The following NUP62CL variants were observed in gnomAD, a reference collection of about 807,000 sequenced individuals.
NUP62CL encodes nucleoporin 62 C-terminal like.
NUP62CL carries 13 observed loss-of-function variants against 15.3 expected under a neutral mutation model. The observed-to-expected ratio is 0.85, with a 90% confidence interval of 0.55 to 1.35. The LOEUF is 1.35. Ranked by LOEUF, NUP62CL falls within the 40% of genes most tolerant of loss-of-function variation. The pLI is 0.00. For synonymous variants in NUP62CL, 54 were observed against 49.2 expected, an observed-to-expected ratio of 1.10 and a Z score of -0.41; for missense variants, 123 against 130.6, an observed-to-expected ratio of 0.94 and a Z score of 0.28.
At chrX:107,187,236 A>C (rs1927084154) in intron 2 of NUP62CL, among the ~76,000 whole-genome samples, 1 of 111,629 alleles carries the variant, frequency 9.0e-6, no homozygotes, top group African/African-American at 3.3e-5. Context: ...TACACATTAG[A>C]AAAGAAGAAA....
intron 8 of NUP62CL, among the ~76,000 whole-genome samples, chrX:107,144,584 T>G (rs1161277356): frequency 8.9e-6 from 1 of 112,296 alleles, no homozygotes; most frequent in Non-Finnish European, 1.9e-5. Context: ...AATTACTTTT[T>G]GACACCTTCC....
chrX:107,196,237 T>C (rs1927358920), intron 1 of NUP62CL, among the ~76,000 whole-genome samples: 1 of 112,272 alleles, frequency 8.9e-6, no homozygotes, highest in African/African-American at 3.2e-5. Flanking sequence ...TTTTTGTCAC[T>C]AAAAATTTGG....
At chrX:107,156,783 T>G (rs371306928) in intron 4 of NUP62CL, among the ~76,000 whole-genome samples, 26 of 105,657 alleles carry the variant, frequency 2.5e-4, no homozygotes, top group Admixed American at 5.2e-4. Context: ...GGATGGAGAA[T>G]GATTTTGACG....
chrX:107,175,164 T>C lies in NUP62CL; in HGVS notation c.-18A>G. On this transcript the variant is annotated 5_prime_UTR_variant, in exon 3 of 9. Coordinates refer to ENST00000372466, the MANE Select transcript of NUP62CL (RefSeq NM_017681.3). ...AACTGCATGGTGCTTGAACTAGTGGTGGTGGCAACAGCAGCTGCTGGAGCC... is the reference window on the plus strand; with the variant it reads ...AACTGCATGGTGCTTGAACTAGTGGCGGTGGCAACAGCAGCTGCTGGAGCC... 7 of 1,159,340 alleles carry C rather than the reference T, an allele frequency of 6.0e-6. No individual in the cohort carries two copies. The highest frequency in any genetic ancestry group is 8.2e-6 in the Non-Finnish European group (7 of 858,656).
chrX:107,189,946 A>AAAGG (rs67249953), intron 2 of NUP62CL, among the ~76,000 whole-genome samples: 62 of 80,210 alleles, frequency 7.7e-4, no homozygotes, highest in South Asian at 3.2e-3. Context: ...AGAAAGAAAG[A>AAAGG]GAATCGATAC....
chrX:107,145,094 G>A (rs1925855759), intron 8 of NUP62CL, among the ~76,000 whole-genome samples: 1 of 110,879 alleles, frequency 9.0e-6, no homozygotes, highest in African/African-American at 3.3e-5. Context: ...ATATTAAAGC[G>A]ATATAGAATT....
Position 107,152,061 on chromosome X carries a change from T to TTCAG in NUP62CL, c.530+1110_530+1111insCTGA, listed in dbSNP as rs1398775564. Reference sequence around the variant, plus strand: ...ATATATATATTCAGATATATATATATATATATATATATATTCAGATATATA... The same window carrying TTCAG: ...ATATATATATTCAGATATATATATATTCAGATATATATATATATTCAGATATATA... On this transcript the variant is annotated intron_variant, in intron 7 of 8. Coordinates refer to ENST00000372466, the MANE Select transcript of NUP62CL (RefSeq NM_017681.3). 4.3e-5 allele frequency among the ~76,000 whole-genome samples: 3 copies of TTCAG among 69,238 alleles called. No individual in the cohort carries two copies. In the East Asian group the frequency reaches 1.6e-3, roughly 38 times the overall value. The allele number at this position is 69,238 out of a possible 115,157, so 60.1% of individuals were successfully genotyped here.
intron 2 of NUP62CL, among the ~76,000 whole-genome samples, chrX:107,176,356 C>T (rs768493811): frequency 5.4e-5 from 6 of 111,385 alleles, no homozygotes; most frequent in South Asian, 3.8e-4. Flanking sequence ...TACTGATGTA[C>T]GCTACAACAT....
intron 1 of NUP62CL, among the ~76,000 whole-genome samples, chrX:107,194,903 G>A (rs1007654642): frequency 1.1e-5 from 1 of 94,222 alleles, no homozygotes. Context: ...TGTAACCTCC[G>A]CGTCCCGGAT....
chrX:107,173,178 C>G (rs966774571), intron 3 of NUP62CL, among the ~76,000 whole-genome samples: 3 of 112,125 alleles, frequency 2.7e-5, no homozygotes, highest in African/African-American at 9.7e-5. Context: ...TTTATATAGT[C>G]TTTTTCATCT....
intron 8 of NUP62CL, among the ~76,000 whole-genome samples, chrX:107,138,271 C>A (rs1190019821): frequency 1.8e-5 from 2 of 111,449 alleles, no homozygotes; most frequent in African/African-American, 6.5e-5. Flanking sequence ...AGTTCTTAGA[C>A]TGGACACCAT....
chrX:107,143,954 G>T (rs1925832626), intron 8 of NUP62CL, among the ~76,000 whole-genome samples: 1 of 111,711 alleles, frequency 9.0e-6, no homozygotes, highest in Non-Finnish European at 1.9e-5. Flanking sequence ...ATATGAAAAA[G>T]AAAGTCTCCT....
intron 1 of NUP62CL, among the ~76,000 whole-genome samples, chrX:107,203,232 C>G (rs181791687): frequency 9.3e-6 from 1 of 107,348 alleles, no homozygotes; most frequent in African/African-American, 3.4e-5. Flanking sequence ...ACTATATTAG[C>G]ACATCTCCCT....
rs779384566 is a variant in NUP62CL, at chrX:107,140,899, G to GTAAA, written c.*42+6843_*42+6844insTTTA. Among the ~76,000 whole-genome samples the GTAAA allele has an allele frequency of 4.5e-5, 5 of 112,048 alleles. No homozygotes were observed. The East Asian group carries it at 1.4e-3, about 31-fold the overall frequency. ...GATGGGCCCCAAAAAAAGCATTAGA[G>GTAAA]TAAGACTCCAGTGTACGGTGTTTGT... is the stretch of plus-strand genomic sequence containing the variant. On this transcript the variant is annotated intron_variant, in intron 8 of 8. Coordinates refer to ENST00000372466, the MANE Select transcript of NUP62CL (RefSeq NM_017681.3).
intron 2 of NUP62CL, among the ~76,000 whole-genome samples, chrX:107,189,894 AAAG>A (rs1268058321): frequency 4.3e-5 from 4 of 92,660 alleles, no homozygotes; most frequent in African/African-American, 1.8e-4. Flanking sequence ...AGAAAGAAAG[AAAG>A]AAAGAAAGAA....
chrX:107,131,849 G>A (rs1439104937), intron 8 of NUP62CL: 1 of 1,032,368 alleles, frequency 9.7e-7, no homozygotes, highest in East Asian at 3.0e-5. Context: ...CTTGGGACCT[G>A]TGTTATATTT....
intron 8 of NUP62CL, among the ~76,000 whole-genome samples, chrX:107,125,482 C>T (rs1409114712): frequency 9.0e-6 from 1 of 110,654 alleles, no homozygotes; most frequent in Non-Finnish European, 1.9e-5. Flanking sequence ...TCAGAAAAAC[C>T]CTAATGTTAC....
rs768086787 is a variant in NUP62CL, at chrX:107,185,759, G to A, written c.-48+7270C>T. On this transcript the variant is annotated intron_variant, in intron 2 of 8. Transcript: ENST00000372466. ...ACAATAATTATAGTACATGTAAATGGCCTATACATACCAATTAAAAATTGG... is the reference window on the plus strand; with the variant it reads ...ACAATAATTATAGTACATGTAAATGACCTATACATACCAATTAAAAATTGG... Among the ~76,000 whole-genome samples, 4 of 111,538 alleles carry A rather than the reference G, an allele frequency of 3.6e-5. No individual in the cohort carries two copies. The South Asian group carries it at 1.5e-3, about 42-fold the overall frequency.
intron 4 of NUP62CL, among the ~76,000 whole-genome samples, chrX:107,165,407 A>C (rs1445517534): frequency 9.0e-6 from 1 of 111,451 alleles, no homozygotes; most frequent in Non-Finnish European, 1.9e-5. Context: ...CCAACATTTT[A>C]TGAATTAACA....
Sources: gnomAD v4.1 joint callset for allele counts (sites outside exome capture counted in the v4.1 genomes callset) on GRCh38, gnomAD v4.1.1 for gene constraint, MANE v1.5 for transcripts, NCBI Gene and HGNC (gene_info 2026-07-23, HGNC 2026-07-21) for gene names.